Variants in SIRPA observed in about 807,000 individuals in gnomAD.
SIRPA encodes the protein signal regulatory protein alpha.
Under a neutral mutation model 50.3 loss-of-function variants are expected in SIRPA, and 9 were observed. The ratio of observed to expected loss-of-function variants is 0.18; its 90% CI spans 0.11 to 0.31. The LOEUF is 0.31. Among genes scored for constraint, SIRPA ranks in the 10% least tolerant of loss-of-function variants. SIRPA has a pLI of 1.00. For synonymous variants in SIRPA, 265 were observed against 284.1 expected (o/e 0.93, Z 0.68); for missense variants, 474 against 661.6 (o/e 0.72, Z 3.11).
chr20:1,914,498 T>A (rs112062951), intron 1 of SIRPA, among the ~76,000 whole-genome samples: 61,118 of 150,600 alleles, frequency 0.41, 12,716 homozygotes, highest in East Asian at 0.66. Context: ...GACACTTTGC[T>A]AGCCAGGCTC....
chr20:1,911,296 ATTGT>A (rs1193169291), intron 1 of SIRPA, among the ~76,000 whole-genome samples: 2 of 152,328 alleles, frequency 1.3e-5, no homozygotes, highest in Admixed American at 6.5e-5. Context: ...ATGATGTTAG[ATTGT>A]TTTTCTTCAC....
At chr20:1,925,516 C>G (rs930963620) in intron 5 of SIRPA, among the ~76,000 whole-genome samples, 2 of 152,214 alleles carry the variant, frequency 1.3e-5, no homozygotes, top group Non-Finnish European at 2.9e-5. Flanking sequence ...AAACCCAGGA[C>G]ACCGCTTCCC....
At chr20:1,931,892 A>G (rs73569369) in intron 6 of SIRPA, among the ~76,000 whole-genome samples, 6,238 of 152,256 alleles carry the variant, frequency 0.041, 411 homozygotes, top group African/African-American at 0.13. Flanking sequence ...CTTGTCAGAC[A>G]TTCACTGCAT....
rs578118427 is a variant in SIRPA, at chr20:1,937,182, G to C, written c.1267-138G>C. The stretch of plus-strand genomic sequence containing the variant: ...CAAGTAACGTTGGCAAGAGATGAGG[G>C]GAACATGACTTATGGCTGAGCCAGT... On this transcript the variant is annotated intron_variant, in intron 7 of 7. Transcript: ENST00000358771. The surrounding 1 kb of genome is among the most constrained non-coding windows in gnomAD (Gnocchi z 8.3). 5 of 1,025,028 alleles carry C rather than the reference G, an allele frequency of 4.9e-6. No individual in the cohort carries two copies. In the South Asian group the frequency reaches 7.8e-5, roughly 16 times the overall value. The allele number at this position is 1,025,028 out of a possible 1,614,324, so 63.5% of individuals were successfully genotyped here. A position where few individuals can be genotyped will look rare whatever the true frequency, so the allele number is the denominator to read the frequency against.
intron 1 of SIRPA, among the ~76,000 whole-genome samples, chr20:1,912,358 C>T (rs1414931759): frequency 2.0e-5 from 3 of 152,232 alleles, no homozygotes; most frequent in East Asian, 3.8e-4. Flanking sequence ...TCCCGGGCTC[C>T]GGGCCTGCAC....
chr20:1,937,495 C>T lies in SIRPA; in HGVS notation c.1442C>T (p.Thr481Ile). ...ADLDMVHLNR[T>I]PKQPAPKPEP... ...CTGGACATGGTCCACCTCAACCGGA[C>T]CCCCAAGCAGCCGGCCCCCAAGCCT... The change falls in exon 8 of 8, where the codon ACC (threonine) becomes ATC (isoleucine). Residue 481 changes from threonine to isoleucine, a missense_variant. By Grantham distance (89) the Thr-to-Ile change is moderately conservative (BLOSUM62 -1). This residue lies in a region of SIRPA where 180 missense variants were observed against 206.7 expected (regional missense o/e 0.87). Coordinates refer to ENST00000358771, the MANE Select transcript of SIRPA (RefSeq NM_001040023.2). The surrounding 1 kb of genome is among the most constrained non-coding windows in gnomAD (Gnocchi z 8.3). The T allele has an allele frequency of 6.2e-7, 1 of 1,614,132 alleles. No individual in the cohort carries two copies. Among genetic ancestry groups the T allele is most frequent in the Non-Finnish European group, 8.5e-7 (1 of 1,180,024 alleles).
intron 1 of SIRPA, among the ~76,000 whole-genome samples, chr20:1,914,812 A>G (rs1367525202): frequency 8.1e-6 from 1 of 122,726 alleles, no homozygotes; most frequent in African/African-American, 3.1e-5. Flanking sequence ...GCTCATTCAG[A>G]TTAGAATTAG....
At chr20:1,896,964 A>G (rs1034424903) in intron 1 of SIRPA, among the ~76,000 whole-genome samples, 4 of 152,178 alleles carry the variant, frequency 2.6e-5, no homozygotes, top group African/African-American at 9.7e-5. Flanking sequence ...TGGCCTGGAA[A>G]TGCACAAGTG....
At chr20:1,904,124 C>G (rs538768244) in intron 1 of SIRPA, among the ~76,000 whole-genome samples, 10 of 152,128 alleles carry the variant, frequency 6.6e-5, no homozygotes, top group Non-Finnish European at 1.5e-4. Flanking sequence ...AGTCCCCCCC[C>G]TGCAGCCAGG....
In SIRPA at chr20:1,928,947, T is replaced by C. The variant is rs1252234958; in HGVS notation, c.1226+1048T>C. ...AGAGGCAGCACACCATCATCTGCCATGTGAACCCATCTGCATAGAACCATG... is the reference window on the plus strand; with the variant it reads ...AGAGGCAGCACACCATCATCTGCCACGTGAACCCATCTGCATAGAACCATG... On this transcript the variant is annotated intron_variant, in intron 6 of 7. Transcript: ENST00000358771. The surrounding 1 kb of genome is among the most constrained non-coding windows in gnomAD (Gnocchi z 4.9). Among the ~76,000 whole-genome samples the C allele has an allele frequency of 6.6e-6, 1 of 152,178 alleles. No individual in the cohort carries two copies. Among genetic ancestry groups the C allele is most frequent in the East Asian group, 1.9e-4 (1 of 5,198 alleles).
chr20:1,937,610 T>A lies in SIRPA; in HGVS notation c.*42T>A. ...CTCTAGCACCCATCTCTACGCGCTT[T>A]CTTGTCCCACAGGGAGCCGCCGTGA... On this transcript the variant is annotated 3_prime_UTR_variant, in exon 8 of 8. Transcript: ENST00000358771. This position sits in a 1 kb window ranked among gnomAD's most constrained non-coding sequence, Gnocchi z 8.3. The A allele has an allele frequency of 1.3e-6, 2 of 1,599,826 alleles. No individual in the cohort carries two copies. Among genetic ancestry groups the A allele is most frequent in the Non-Finnish European group, 1.7e-6 (2 of 1,170,530 alleles).
intron 2 of SIRPA, among the ~76,000 whole-genome samples, chr20:1,916,444 T>C (rs1215540622): frequency 6.6e-6 from 1 of 152,208 alleles, no homozygotes; most frequent in Non-Finnish European, 1.5e-5. Flanking sequence ...CATTAGCCAT[T>C]GTTTACATAG....
intron 1 of SIRPA, among the ~76,000 whole-genome samples, chr20:1,908,971 A>G (rs549130721): frequency 1.3e-5 from 2 of 152,330 alleles, no homozygotes; most frequent in South Asian, 4.1e-4. Flanking sequence ...ACACTCTTGC[A>G]CTGCATACTC....
At chr20:1,896,504 A>G (rs1884565) in intron 1 of SIRPA, among the ~76,000 whole-genome samples, 89,042 of 151,194 alleles carry the variant, frequency 0.59, 27,836 homozygotes, top group African/African-American at 0.81. Context: ...AGGGAGAGAA[A>G]AATGGGGATC....
chr20:1,901,163 C>CTTTTTTTTT (rs869181595), intron 1 of SIRPA, among the ~76,000 whole-genome samples: 84 of 78,838 alleles, frequency 1.1e-3, no homozygotes, highest in Non-Finnish European at 1.2e-3. Flanking sequence ...TTCTTTCTTT[C>CTTTTTTTTT]TTTTTTTTTT....
At chr20:1,907,549 C>CT (rs1984619254) in intron 1 of SIRPA, among the ~76,000 whole-genome samples, 1 of 152,228 alleles carries the variant, frequency 6.6e-6, no homozygotes, top group African/African-American at 2.4e-5. Context: ...ATCCCAGCCT[C>CT]TGTCAGCCTT....
intron 2 of SIRPA, among the ~76,000 whole-genome samples, chr20:1,916,488 G>T (rs958595661): frequency 1.1e-4 from 17 of 152,190 alleles, no homozygotes; most frequent in African/African-American, 3.9e-4. Context: ...CCGACTGAAA[G>T]CTCCTTGAAC....
At chr20:1,907,587 C>G (rs1394236587) in intron 1 of SIRPA, among the ~76,000 whole-genome samples, 1 of 152,248 alleles carries the variant, frequency 6.6e-6, no homozygotes, top group Non-Finnish European at 1.5e-5. Context: ...GCCACCAGCT[C>G]CAGGAAGTCT....
At chr20:1,899,094 T>C (rs1207193097) in intron 1 of SIRPA, among the ~76,000 whole-genome samples, 2 of 151,704 alleles carry the variant, frequency 1.3e-5, no homozygotes, top group African/African-American at 4.8e-5. Context: ...TGACGGAAGG[T>C]TTCCCCCCTC....
Sources: gnomAD v4.1 joint callset for allele counts (sites outside exome capture counted in the v4.1 genomes callset) on GRCh38, gnomAD v4.1.1 for gene constraint, gnomAD v4.1.1 regional missense constraint, Gnocchi (gnomAD v3.1) non-coding constraint, MANE v1.5 for transcripts, NCBI Gene and HGNC (gene_info 2026-07-23, HGNC 2026-07-21) for gene names.